TMEM72: variants seen among roughly 807,000 people sequenced by gnomAD.
The protein encoded by TMEM72 is transmembrane protein 72.
A neutral mutation model predicts 16.3 loss-of-function variants in TMEM72; 9 were observed. The ratio of observed to expected loss-of-function variants is 0.55; its 90% CI spans 0.33 to 0.96. TMEM72 has a LOEUF of 0.96. Ranked by LOEUF, TMEM72 falls within the 40% of genes least tolerant of loss-of-function variation. The pLI, the probability that TMEM72 is intolerant of heterozygous loss-of-function variation, is 0.03. For missense variants in TMEM72, 324 were observed against 337.8 expected, an observed-to-expected ratio of 0.96 and a Z score of 0.32; for synonymous variants, 160 against 146.5, an observed-to-expected ratio of 1.09 and a Z score of -0.66.
chr10:44,919,819 T>C (rs1158678855), intron 1 of TMEM72: 1 of 152,240 alleles, frequency 6.6e-6, no homozygotes, highest in East Asian at 1.9e-4. Flanking sequence ...CTCTGAACCC[T>C]GGCTCATGTA....
At chr10:44,927,401 A>G (rs910671831) in intron 1 of TMEM72, among the ~76,000 whole-genome samples, 1 of 149,240 alleles carries the variant, frequency 6.7e-6, no homozygotes, top group Admixed American at 6.8e-5. Flanking sequence ...TTGTCAGAGA[A>G]AAACCCCAGG....
chr10:44,931,923 C>T (rs1167467257), intron 2 of TMEM72, 75 bp from the exon 3 acceptor site: 4 of 1,453,432 alleles, frequency 2.8e-6, no homozygotes, highest in Admixed American at 2.0e-5. Context: ...CAGGAGGCCA[C>T]GTGTGAGAAG....
Position 44,927,948 on chromosome 10 carries a change from T to G in TMEM72, c.98T>G (p.Phe33Cys), listed in dbSNP as rs756068765. The G allele has an allele frequency of 3.7e-6, 6 of 1,613,916 alleles. No homozygotes were observed. The East Asian group carries it at 1.3e-4, about 36-fold the overall frequency. ...AVLIGVGTET[F>C]LQGQFKSLAF... Reference sequence around the variant, plus strand: ...TTGATCGGCGTGGGCACTGAGACCTTCCTCCAGGGCCAGTTCAAAAGCCTG... The same window carrying G: ...TTGATCGGCGTGGGCACTGAGACCTGCCTCCAGGGCCAGTTCAAAAGCCTG... Residue 33 changes from phenylalanine to cysteine, a missense_variant, in exon 2 of 5, where the codon TTC (phenylalanine) becomes TGC (cysteine). Phe to Cys is a radical substitution (Grantham distance 205, BLOSUM62 -2). Transcript: ENST00000389583.
At chr10:44,917,375 G>A (rs1239647940) in intron 1 of TMEM72, among the ~76,000 whole-genome samples, 8 of 152,136 alleles carry the variant, frequency 5.3e-5, no homozygotes, top group African/African-American at 7.2e-5. Context: ...AGGAAGATCC[G>A]AGGAAAGGAG....
intron 1 of TMEM72, among the ~76,000 whole-genome samples, chr10:44,922,857 G>A (rs1215672037): frequency 6.6e-6 from 1 of 152,200 alleles, no homozygotes; most frequent in Non-Finnish European, 1.5e-5. Context: ...CTCCTGAGGA[G>A]TCACAATATA....
chr10:44,928,114 G>A (rs1467051196), intron 2 of TMEM72, 127 bp downstream of exon 2: 27 of 986,264 alleles, frequency 2.7e-5, no homozygotes, highest in Non-Finnish European at 4.1e-5. Flanking sequence ...CAGGGGTGAA[G>A]GGAGTTGAGG....
intron 1 of TMEM72, among the ~76,000 whole-genome samples, chr10:44,918,709 T>C (rs879111469): frequency 6.6e-6 from 1 of 152,162 alleles, no homozygotes; most frequent in Admixed American, 6.5e-5. Context: ...ATGGACTAAA[T>C]GTTTGTGTCC....
intron 1 of TMEM72, 63 bp downstream of exon 1, chr10:44,911,645 G>A: frequency 6.5e-7 from 1 of 1,531,622 alleles, no homozygotes. Context: ...GGCTGCCTGA[G>A]GGGTGGGAGG....
At chr10:44,924,180 T>C (rs558246921) in intron 1 of TMEM72, among the ~76,000 whole-genome samples, 1 of 152,356 alleles carries the variant, frequency 6.6e-6, no homozygotes, top group South Asian at 2.1e-4. Flanking sequence ...CACTGCCCAT[T>C]GCCCCCGACT....
chr10:44,915,545 G>A (rs1022743208), intron 1 of TMEM72, among the ~76,000 whole-genome samples: 1 of 152,068 alleles, frequency 6.6e-6, no homozygotes, highest in Non-Finnish European at 1.5e-5. Flanking sequence ...ACCTGAATCA[G>A]GATTAAAAAG....
intron 1 of TMEM72, among the ~76,000 whole-genome samples, chr10:44,921,129 G>A (rs1176907691): frequency 3.3e-5 from 5 of 152,222 alleles, no homozygotes; most frequent in Non-Finnish European, 5.9e-5. Flanking sequence ...GCCCACACAG[G>A]AGGGACAGAG....
rs1424916349 is a variant in TMEM72 at position 44,935,380 on chromosome 10, G to A, written c.*246G>A. 2.2e-6 allele frequency: 1 copy of A among 461,218 alleles called. No homozygotes were observed. The highest frequency in any genetic ancestry group is 3.8e-6 in the Non-Finnish European group (1 of 261,350). The allele number at this position is 461,218 out of a possible 1,614,324, so 28.6% of individuals were successfully genotyped here. A position where few individuals can be genotyped will look rare whatever the true frequency, so the allele number is the denominator to read the frequency against. On this transcript the variant is annotated 3_prime_UTR_variant, in exon 5 of 5. Transcript: ENST00000389583. ...AGCTCCTTCCTCCTGGCCACAGGTGGGGAAACCCTTATGCTTCCCCAACAA... is the reference window on the plus strand; with the variant it reads ...AGCTCCTTCCTCCTGGCCACAGGTGAGGAAACCCTTATGCTTCCCCAACAA...
chr10:44,911,686 C>G (rs908287265), intron 1 of TMEM72, 104 bp downstream of exon 1: 2 of 1,306,052 alleles, frequency 1.5e-6, no homozygotes, highest in African/African-American at 2.9e-5. Flanking sequence ...CATCTGGCCA[C>G]TTCTGTGCTT....
chr10:44,913,398 T>G (rs1386741324), intron 1 of TMEM72, among the ~76,000 whole-genome samples: 1 of 152,146 alleles, frequency 6.6e-6, no homozygotes, highest in Non-Finnish European at 1.5e-5. Flanking sequence ...TTTAACAGTC[T>G]GATTTATCTC....
intron 1 of TMEM72, among the ~76,000 whole-genome samples, chr10:44,926,450 G>A (rs192668877): frequency 6.5e-4 from 99 of 152,304 alleles, no homozygotes; most frequent in Non-Finnish European, 1.2e-3. Context: ...TGGAAGGGCC[G>A]GGACGTGTGC....
intron 1 of TMEM72, among the ~76,000 whole-genome samples, chr10:44,921,773 A>T (rs1478110976): frequency 6.6e-6 from 1 of 152,180 alleles, no homozygotes; most frequent in Non-Finnish European, 1.5e-5. Context: ...AGGAGCTAGA[A>T]GCCCTCAGAC....
Position 44,935,481 on chromosome 10 carries a change from G to A in TMEM72, c.*347G>A. On this transcript the variant is annotated 3_prime_UTR_variant, in exon 5 of 5. Transcript: ENST00000389583. Reference sequence around the variant, plus strand: ...AGAAGGGACAGAGGATGTCTGCCCAGCAAAAGCCTCTGGGCTTTTCTTACT... The same window carrying A: ...AGAAGGGACAGAGGATGTCTGCCCAACAAAAGCCTCTGGGCTTTTCTTACT... 4.2e-6 allele frequency: 1 copy of A among 237,600 alleles called. No homozygotes were observed. Among genetic ancestry groups the A allele is most frequent in the Non-Finnish European group, 8.0e-6 (1 of 124,262 alleles). 14.7% of individuals were successfully genotyped at this position (237,600 alleles called of 1,614,324 possible).
chr10:44,918,993 A>G (rs61853979), intron 1 of TMEM72, among the ~76,000 whole-genome samples: 9,178 of 152,300 alleles, frequency 0.06, 324 homozygotes, highest in Non-Finnish European at 0.063. Flanking sequence ...TACCCAGTAT[A>G]TGGGATTTGG....
intron 3 of TMEM72, among the ~76,000 whole-genome samples, chr10:44,932,339 C>A (rs138949062): frequency 9.2e-5 from 14 of 152,348 alleles, no homozygotes; most frequent in Admixed American, 9.1e-4. Flanking sequence ...AAAAGTCCAG[C>A]TCCCCCTCAC....
Sources: allele counts gnomAD v4.1 joint callset (sites outside exome capture counted in the v4.1 genomes callset), GRCh38; gene constraint gnomAD v4.1.1; transcripts MANE v1.5; gene names NCBI Gene and HGNC (gene_info 2026-07-23, HGNC 2026-07-21).